The following AGBL1 variants were observed in gnomAD, a reference collection of about 807,000 sequenced individuals.
The protein encoded by AGBL1 is cytosolic carboxypeptidase 4.
AGBL1 carries 130 observed loss-of-function variants against 118.9 expected under a neutral mutation model. That is an observed-to-expected ratio of 1.09 (90% CI 0.95 to 1.26). AGBL1 has a LOEUF of 1.26. Ranked by LOEUF, AGBL1 falls within the 50% of genes most tolerant of loss-of-function variation. The pLI is 0.00. For missense variants in AGBL1, 1,584 were observed against 1,298.1 expected (o/e 1.22, Z -3.38); for synonymous variants, 555 against 478.9 (o/e 1.16, Z -2.08).
chr15:86,330,000 C>T (rs537273212), intron 17 of AGBL1, among the ~76,000 whole-genome samples: 54 of 152,224 alleles, frequency 3.5e-4, no homozygotes, highest in Non-Finnish European at 6.9e-4. Flanking sequence ...TTTCCAGATT[C>T]AGACTTAGGC....
chr15:86,439,575 A>G (rs1215587037), intron 18 of AGBL1, among the ~76,000 whole-genome samples: 2 of 152,244 alleles, frequency 1.3e-5, no homozygotes, highest in East Asian at 3.8e-4. Context: ...ATGAATAAAT[A>G]CATTTCGGTT....
chr15:86,835,747 T>A (rs1255517832), intron 22 of AGBL1, among the ~76,000 whole-genome samples: 2 of 152,148 alleles, frequency 1.3e-5, no homozygotes, highest in Non-Finnish European at 2.9e-5. Context: ...TATAAACGAC[T>A]ATAGTAGGAG....
intron 23 of AGBL1, among the ~76,000 whole-genome samples, chr15:86,962,126 G>A (rs2080998760): frequency 6.6e-6 from 1 of 152,114 alleles, no homozygotes; most frequent in Non-Finnish European, 1.5e-5. Context: ...CCTGGAGACA[G>A]CCAACCAATA....
intron 21 of AGBL1, among the ~76,000 whole-genome samples, chr15:86,670,387 T>G (rs1232292240): frequency 6.6e-6 from 1 of 151,928 alleles, no homozygotes; most frequent in Non-Finnish European, 1.5e-5. Context: ...GCAGATCACC[T>G]GAGGTCAGGA....
chr15:86,442,658 T>C (rs987569125), intron 18 of AGBL1, among the ~76,000 whole-genome samples: 3 of 152,100 alleles, frequency 2.0e-5, no homozygotes, highest in African/African-American at 7.2e-5. Context: ...GAACTAGATA[T>C]AATAGTGGGA....
chr15:87,006,497 C>A (rs778703555), intron 24 of AGBL1, among the ~76,000 whole-genome samples: 11 of 152,166 alleles, frequency 7.2e-5, no homozygotes, highest in Non-Finnish European at 1.2e-4. Context: ...GAGCCAGGCA[C>A]GGGGTATAAT....
At chr15:86,311,099 G>T (rs1262865844) in intron 17 of AGBL1, among the ~76,000 whole-genome samples, 1 of 152,182 alleles carries the variant, frequency 6.6e-6, no homozygotes, top group East Asian at 1.9e-4. Flanking sequence ...CCTTCAGGGG[G>T]AGAGACAGGC....
chr15:86,849,645 A>G (rs1408561856), intron 22 of AGBL1, among the ~76,000 whole-genome samples: 7 of 152,018 alleles, frequency 4.6e-5, no homozygotes, highest in Admixed American at 3.9e-4. Context: ...TTATATCTAG[A>G]ATAGAGAGAG....
intron 1 of AGBL1, among the ~76,000 whole-genome samples, chr15:86,120,931 C>G (rs1311411287): frequency 6.6e-6 from 1 of 150,550 alleles, no homozygotes; most frequent in African/African-American, 2.4e-5. Flanking sequence ...GAGTCCCGCT[C>G]TGTTGCCTAG....
intron 23 of AGBL1, among the ~76,000 whole-genome samples, chr15:86,955,092 C>A (rs113766606): frequency 0.016 from 2,461 of 152,190 alleles, 66 homozygotes; most frequent in African/African-American, 0.057. Flanking sequence ...GTACATTTCA[C>A]TATTGCATAT....
intron 22 of AGBL1, among the ~76,000 whole-genome samples, chr15:86,695,407 A>C (rs1433917205): frequency 6.6e-6 from 1 of 151,782 alleles, no homozygotes; most frequent in Non-Finnish European, 1.5e-5. Context: ...GCCCTGAATG[A>C]TCTTTTGTAT....
At chr15:86,838,318 T>C (rs2079196081) in intron 22 of AGBL1, among the ~76,000 whole-genome samples, 1 of 152,244 alleles carries the variant, frequency 6.6e-6, no homozygotes, top group Non-Finnish European at 1.5e-5. Context: ...AAGCTTCTTA[T>C]AGAAGAGGCT....
chr15:86,319,537 C>A (rs1449590908), intron 17 of AGBL1, among the ~76,000 whole-genome samples: 2 of 152,060 alleles, frequency 1.3e-5, no homozygotes, highest in Non-Finnish European at 2.9e-5. Context: ...TATATGGAAT[C>A]CTTCTGGCCA....
intron 22 of AGBL1, among the ~76,000 whole-genome samples, chr15:86,716,002 C>A (rs1596398935): frequency 6.7e-6 from 1 of 149,398 alleles, no homozygotes; most frequent in Non-Finnish European, 1.5e-5. Context: ...GGAGGTGGAG[C>A]TTGCAGTGAG....
At chr15:86,129,449 A>G (rs78487042) in intron 1 of AGBL1, among the ~76,000 whole-genome samples, 3,827 of 152,222 alleles carry the variant, frequency 0.025, 148 homozygotes, top group African/African-American at 0.088. Flanking sequence ...GCTTTAAATG[A>G]TCCCTGAAAC....
chr15:86,125,707 A>G (rs1444307), intron 1 of AGBL1, among the ~76,000 whole-genome samples: 86,859 of 152,088 alleles, frequency 0.57, 25,232 homozygotes, highest in African/African-American at 0.67. Context: ...GGATCTCTGC[A>G]TATTAGTGTC....
At chr15:86,268,094 C>G (rs2142045023) in intron 13 of AGBL1, among the ~76,000 whole-genome samples, 1 of 152,352 alleles carries the variant, frequency 6.6e-6, no homozygotes, top group African/African-American at 2.4e-5. Context: ...AACATCCGTT[C>G]TTACTCAGGG....
At chr15:86,523,725 C>G (rs2083221526) in intron 19 of AGBL1, among the ~76,000 whole-genome samples, 1 of 152,046 alleles carries the variant, frequency 6.6e-6, no homozygotes, top group South Asian at 2.1e-4. Context: ...AAATTTTATT[C>G]TGGCACTGCC....
chr15:86,192,140 A>G (rs2077733281), intron 5 of AGBL1, among the ~76,000 whole-genome samples: 2 of 151,566 alleles, frequency 1.3e-5, no homozygotes, highest in African/African-American at 2.4e-5. Flanking sequence ...ACCCACACAC[A>G]TGCACGCATG....
Sources: allele counts gnomAD v4.1 joint callset (sites outside exome capture counted in the v4.1 genomes callset), GRCh38; gene constraint gnomAD v4.1.1; transcripts MANE v1.5; gene names NCBI Gene and HGNC (gene_info 2026-07-23, HGNC 2026-07-21).